RELT: variants seen among roughly 807,000 people sequenced by gnomAD.
The protein encoded by RELT is RELT TNF receptor, also known as tumor necrosis factor receptor superfamily member 19L.
Under a neutral mutation model 51.1 loss-of-function variants are expected in RELT, and 37 were observed. The observed-to-expected ratio is 0.72, with a 90% confidence interval of 0.56 to 0.95. The LOEUF (loss-of-function observed/expected upper bound fraction) is 0.95. Among genes scored for constraint, RELT ranks in the 40% least tolerant of loss-of-function variants. The pLI is 0.00. For missense variants in RELT, 535 were observed against 572.6 expected, an observed-to-expected ratio of 0.93 and a Z score of 0.67; for synonymous variants, 241 against 235.7, an observed-to-expected ratio of 1.02 and a Z score of -0.21.
At chr11:73,377,567 TC>T (rs372371974) in intron 1 of RELT, among the ~76,000 whole-genome samples, 227 of 139,016 alleles carry the variant, frequency 1.6e-3, no homozygotes, top group Middle Eastern at 0.012. Context: ...AGTCTCAGCT[TC>T]CCCCCGCCCA....
At chr11:73,380,332 G>A (rs1866031658) in intron 1 of RELT, among the ~76,000 whole-genome samples, 1 of 152,180 alleles carries the variant, frequency 6.6e-6, no homozygotes, top group Non-Finnish European at 1.5e-5. Flanking sequence ...TGGCGGGTGG[G>A]GGCAAAGACT....
intron 1 of RELT, among the ~76,000 whole-genome samples, chr11:73,385,129 GGA>G (rs1459295113): frequency 2.0e-5 from 3 of 152,134 alleles, no homozygotes; most frequent in Non-Finnish European, 4.4e-5. Flanking sequence ...GGACTGACCT[GGA>G]GGCCAGAGAC....
intron 1 of RELT, among the ~76,000 whole-genome samples, chr11:73,382,049 G>A (rs995283163): frequency 6.6e-6 from 1 of 152,176 alleles, no homozygotes; most frequent in Non-Finnish European, 1.5e-5. Flanking sequence ...ACTCAGGGAG[G>A]GTAAGTAACC....
intron 2 of RELT, among the ~76,000 whole-genome samples, chr11:73,390,200 G>A (rs983380693): frequency 6.6e-6 from 1 of 152,128 alleles, no homozygotes; most frequent in Non-Finnish European, 1.5e-5. Flanking sequence ...CAAAGTAGGA[G>A]GAAGTGGGGG....
chr11:73,394,085 C>T lies in RELT; in HGVS notation c.707-151C>T. ...CCCAGGAGTGCACACCTCTGCCTCCCATTCTTGCCTGATGAAGTGGGAGGA... is the reference window on the plus strand; with the variant it reads ...CCCAGGAGTGCACACCTCTGCCTCCTATTCTTGCCTGATGAAGTGGGAGGA... On this transcript the variant is annotated intron_variant, in intron 7 of 10. Transcript: ENST00000064780. The surrounding 1 kb of genome is among the most constrained non-coding windows in gnomAD (Gnocchi z 4.9). 1 of 948,046 alleles carries T rather than the reference C, an allele frequency of 1.1e-6. No homozygotes were observed. Among genetic ancestry groups the T allele is most frequent in the Non-Finnish European group, 1.6e-6 (1 of 611,372 alleles). 58.7% of individuals were successfully genotyped at this position (948,046 alleles called of 1,614,324 possible). A position where few individuals can be genotyped will look rare whatever the true frequency, so the allele number is the denominator to read the frequency against.
chr11:73,393,564 G>C (rs1409251415), intron 6 of RELT: 1 of 1,407,574 alleles, frequency 7.1e-7, no homozygotes, highest in Admixed American at 2.2e-5. Context: ...CCCCTCGCCC[G>C]CCCAATTCAA....
chr11:73,392,590 G>C, intron 6 of RELT, 122 bp downstream of exon 6: 1 of 1,426,582 alleles, frequency 7.0e-7, no homozygotes. Flanking sequence ...AGGCTTGGGA[G>C]GTGATAGCTG....
intron 1 of RELT, among the ~76,000 whole-genome samples, chr11:73,383,275 G>A (rs1866076181): frequency 6.6e-6 from 1 of 152,218 alleles, no homozygotes; most frequent in Non-Finnish European, 1.5e-5. Context: ...GCTTCCAGCA[G>A]CAGCCCTAGT....
chr11:73,389,238 C>T (rs191160182), intron 2 of RELT, 57 bp downstream of exon 2: 2 of 1,277,994 alleles, frequency 1.6e-6, no homozygotes, highest in East Asian at 5.5e-5. Context: ...CCCTGCAGCC[C>T]TCCAGCAAGA....
intron 1 of RELT, among the ~76,000 whole-genome samples, chr11:73,380,393 C>T (rs969216014): frequency 2.0e-5 from 3 of 152,182 alleles, no homozygotes; most frequent in Non-Finnish European, 4.4e-5. Context: ...TCATGGTCCT[C>T]GACATCTTGA....
Position 73,394,977 on chromosome 11 carries a change from C to T in RELT, c.1047-110C>T. 1.9e-6 allele frequency: 2 copies of T among 1,071,358 alleles called. No homozygotes were observed. The highest frequency in any genetic ancestry group is 1.4e-5 in the South Asian group (1 of 70,342). 66.4% of individuals were successfully genotyped at this position (1,071,358 alleles called of 1,614,324 possible). ...TGGCCCCCATGGCACCCGGGCCTCT[C>T]AGGCTAAGGCTCTGGTCCATGAACT... On this transcript the variant is annotated intron_variant, in intron 9 of 10. Transcript: ENST00000064780. The surrounding 1 kb of genome is among the most constrained non-coding windows in gnomAD (Gnocchi z 4.9).
At chr11:73,386,785 C>A (rs1002495283) in intron 1 of RELT, among the ~76,000 whole-genome samples, 70 of 152,280 alleles carry the variant, frequency 4.6e-4, no homozygotes, top group African/African-American at 1.7e-3. Flanking sequence ...GGTCACCTAG[C>A]AGGTGCCACC....
Position 73,395,208 on chromosome 11 carries a change from C to G in RELT, c.1168C>G (p.Pro390Ala), listed in dbSNP as rs199654144. The change falls in exon 10 of 11, where the codon CCT (proline) becomes GCT (alanine). Residue 390 changes from proline (P) to alanine (A), a missense_variant. Physicochemically the swap from Pro to Ala is conservative, Grantham distance 27. Transcript: ENST00000064780. ...TGACTCCCCACAGCCTGGCCTCCCC[C>G]CTGAGCAGCAGGCCCTGCTAGGAAG... ...LPDSPQPGLP[P>A]EQQALLGSGG... is the part of the protein sequence containing the mutation. 8.6e-5 allele frequency: 138 copies of G among 1,613,228 alleles called. No homozygotes were observed. In the South Asian group the frequency reaches 1.0e-3, roughly 12 times the overall value.
At chr11:73,386,536 G>A (rs535996225) in intron 1 of RELT, among the ~76,000 whole-genome samples, 1 of 152,326 alleles carries the variant, frequency 6.6e-6, no homozygotes, top group Non-Finnish European at 1.5e-5. Context: ...CTCAGTCTGG[G>A]CTGAGTGTGG....
At chr11:73,391,971 A>C in intron 5 of RELT, 1 of 583,806 alleles carries the variant, frequency 1.7e-6, no homozygotes. Flanking sequence ...GCGTGAGGGG[A>C]GGGTGGGGCT....
rs1196348431 is a variant in RELT, at chr11:73,396,143, C to CATTAG, written c.*653_*657dup. 1 of 152,894 alleles carries CATTAG rather than the reference C, an allele frequency of 6.5e-6. No homozygotes were observed. Among genetic ancestry groups the CATTAG allele is most frequent in the Non-Finnish European group, 1.5e-5 (1 of 68,242 alleles). The allele number at this position is 152,894 out of a possible 1,614,324, so 9.5% of individuals were successfully genotyped here. A position where few individuals can be genotyped will look rare whatever the true frequency, so the allele number is the denominator to read the frequency against. On this transcript the variant is annotated 3_prime_UTR_variant, in exon 11 of 11. Coordinates refer to ENST00000064780, the MANE Select transcript of RELT (RefSeq NM_152222.2). ...GGGAGCTGGGCTCTACCATCCCTCC[C>CATTAG]ATTAGTAGCTTTATCCAGCCCCGTT...
chr11:73,392,324 G>A lies in RELT; in HGVS notation c.481G>A (p.Ala161Thr), dbSNP rs745532702. The A allele has an allele frequency of 6.8e-6, 11 of 1,613,544 alleles. No individual in the cohort carries two copies. The highest frequency in any genetic ancestry group is 1.6e-4 in the Middle Eastern group (1 of 6,084). ...TRAGGPEETA[A>T]QYAVIAIVPV... ...GGCAGGTGGCCCAGAGGAGACAGCC[G>A]CCCAGTACGCGGTCATCGCCATCGT... is the stretch of plus-strand genomic sequence containing the variant. The change falls in exon 6 of 11, where the codon GCC (alanine) becomes ACC (threonine). Residue 161 changes from alanine (A) to threonine (T), a missense_variant. Physicochemically the swap from Ala to Thr is moderately conservative, Grantham distance 58. Coordinates refer to ENST00000064780, the MANE Select transcript of RELT (RefSeq NM_152222.2).
intron 2 of RELT, 25 bp downstream of exon 2, chr11:73,389,206 A>G: frequency 1.3e-6 from 2 of 1,517,928 alleles, no homozygotes; most frequent in Non-Finnish European, 1.8e-6. Context: ...GGCCCTGGGA[A>G]GGAGAAAAGC....
intron 1 of RELT, 81 bp from the exon 2 acceptor site, chr11:73,389,031 A>G (rs562334082): frequency 2.5e-4 from 191 of 754,424 alleles, no homozygotes; most frequent in Middle Eastern, 2.5e-3. Flanking sequence ...GAGTCCTGTC[A>G]TCCTGGAAGT....
Sources: allele counts gnomAD v4.1 joint callset (sites outside exome capture counted in the v4.1 genomes callset), GRCh38; gene constraint gnomAD v4.1.1; non-coding constraint Gnocchi (gnomAD v3.1); transcripts MANE v1.5; gene names NCBI Gene and HGNC (gene_info 2026-07-23, HGNC 2026-07-21).